Variants in ROBO2 observed in about 807,000 individuals in gnomAD.
ROBO2 encodes the protein roundabout homolog 2.
Under a neutral mutation model 160.8 loss-of-function variants are expected in ROBO2, and 53 were observed. The ratio of observed to expected loss-of-function variants is 0.33; its 90% CI spans 0.26 to 0.41. The LOEUF (loss-of-function observed/expected upper bound fraction) is 0.41. Among genes scored for constraint, ROBO2 ranks in the 10% least tolerant of loss-of-function variants. The pLI, the probability that ROBO2 is intolerant of heterozygous loss-of-function variation, is 1.00. For missense variants in ROBO2, 1,577 were observed against 1,722.4 expected (o/e 0.92, Z 1.49); for synonymous variants, 664 against 611.7 (o/e 1.09, Z -1.26).
At chr3:76,031,747 C>A (rs528572887) in intron 2 of ROBO2, among the ~76,000 whole-genome samples, 3 of 152,020 alleles carry the variant, frequency 2.0e-5, no homozygotes, top group Admixed American at 1.3e-4. Context: ...TTTTGATGTG[C>A]TGCTGTATTT....
chr3:77,235,639 T>C (rs1409763808), intron 2 of ROBO2, among the ~76,000 whole-genome samples: 1 of 152,244 alleles, frequency 6.6e-6, no homozygotes, highest in East Asian at 1.9e-4. Flanking sequence ...TCAGAATACT[T>C]ATTTAAAAAT....
chr3:77,236,028 A>G (rs113990691), intron 2 of ROBO2, among the ~76,000 whole-genome samples: 16,006 of 152,302 alleles, frequency 0.11, 1,004 homozygotes, highest in Middle Eastern at 0.14. Context: ...AATATGAGTG[A>G]CCAATGACCT....
At chr3:77,255,732 T>A (rs1210117233) in intron 2 of ROBO2, among the ~76,000 whole-genome samples, 1 of 152,240 alleles carries the variant, frequency 6.6e-6, no homozygotes, top group African/African-American at 2.4e-5. Context: ...TTTGTGTTCA[T>A]GGTGGAGGAA....
At chr3:76,921,542 G>T (rs977798401) in intron 2 of ROBO2, among the ~76,000 whole-genome samples, 2 of 152,136 alleles carry the variant, frequency 1.3e-5, no homozygotes, top group Non-Finnish European at 2.9e-5. Context: ...AACCTGGGAG[G>T]CAGAGGTTGT....
At chr3:76,691,128 C>A (rs1449436526) in intron 2 of ROBO2, among the ~76,000 whole-genome samples, 1 of 151,968 alleles carries the variant, frequency 6.6e-6, no homozygotes, top group African/African-American at 2.4e-5. Flanking sequence ...GAGGGGTCTG[C>A]CCTCATGAAT....
chr3:76,043,693 G>A (rs1441062994), intron 2 of ROBO2, among the ~76,000 whole-genome samples: 2 of 142,212 alleles, frequency 1.4e-5, no homozygotes, highest in African/African-American at 5.3e-5. Flanking sequence ...AAAAAACACT[G>A]CCACCTCTTT....
At chr3:77,213,258 C>G (rs1401203580) in intron 2 of ROBO2, among the ~76,000 whole-genome samples, 1 of 152,024 alleles carries the variant, frequency 6.6e-6, no homozygotes, top group African/African-American at 2.4e-5. Flanking sequence ...ATTTCAGAGC[C>G]TGTTATTGGT....
intron 2 of ROBO2, among the ~76,000 whole-genome samples, chr3:76,180,104 G>C (rs1272335224): frequency 6.6e-6 from 1 of 152,048 alleles, no homozygotes; most frequent in Non-Finnish European, 1.5e-5. Flanking sequence ...TCAAGATTCA[G>C]ATCAAAGGTA....
At position 77,343,318 on chromosome 3, in the gene ROBO2, T is replaced by C. The variant is rs569058694; in HGVS notation, c.389-134096T>C. On this transcript the variant is annotated intron_variant, in intron 2 of 25. Coordinates refer to ENST00000461745, the Ensembl canonical transcript of ROBO2. ...CTCTTCATGAAAATTTAAGAGCTCTTTGCCTATAGGCTTTGGCCACTTCTG... is the reference window on the plus strand; with the variant it reads ...CTCTTCATGAAAATTTAAGAGCTCTCTGCCTATAGGCTTTGGCCACTTCTG... Among the ~76,000 whole-genome samples the C allele has an allele frequency of 2.0e-4, 30 of 152,286 alleles. 1 individual carries two copies. The East Asian group carries it at 4.6e-3, about 24-fold the overall frequency.
chr3:76,463,793 AAC>A (rs1361839416), intron 2 of ROBO2, among the ~76,000 whole-genome samples: 2 of 152,156 alleles, frequency 1.3e-5, no homozygotes, highest in African/African-American at 4.8e-5. Context: ...TGGCATGAAA[AAC>A]ACAAAGTAGC....
At position 77,193,189 on chromosome 3, in the gene ROBO2, C is replaced by T. The variant is rs2082016957; in HGVS notation, c.388+94849C>T. On this transcript the variant is annotated intron_variant, in intron 2 of 25. Transcript: ENST00000461745. ...TGCAGGGAAGAAACCACGTCCCAGG[C>T]GAAGTCCTACCTAATTTGATGATAA... Among the ~76,000 whole-genome samples the T allele has an allele frequency of 4.0e-5, 6 of 151,412 alleles. No individual in the cohort carries two copies. In the South Asian group the frequency reaches 8.3e-4, roughly 21 times the overall value.
At chr3:75,946,786 C>T (rs1358188403) in intron 2 of ROBO2, among the ~76,000 whole-genome samples, 1 of 152,070 alleles carries the variant, frequency 6.6e-6, no homozygotes, top group Non-Finnish European at 1.5e-5. Flanking sequence ...AGAGGTATTA[C>T]ATGAGTGCTC....
chr3:76,285,107 G>A (rs182764247), intron 2 of ROBO2, among the ~76,000 whole-genome samples: 8 of 152,064 alleles, frequency 5.3e-5, no homozygotes, highest in African/African-American at 1.4e-4. Flanking sequence ...GCTGTGGGAC[G>A]AGAAGAACTT....
chr3:76,367,310 G>T (rs1240495204), intron 2 of ROBO2, among the ~76,000 whole-genome samples: 1 of 151,978 alleles, frequency 6.6e-6, no homozygotes, highest in Non-Finnish European at 1.5e-5. Context: ...CATGCCTGTA[G>T]TTATATACAC....
At chr3:77,028,456 C>T (rs1234451406) in intron 2 of ROBO2, among the ~76,000 whole-genome samples, 3 of 152,154 alleles carry the variant, frequency 2.0e-5, no homozygotes, top group Non-Finnish European at 4.4e-5. Flanking sequence ...TGGCTCATGC[C>T]TGTAGTCCCA....
intron 2 of ROBO2, among the ~76,000 whole-genome samples, chr3:76,521,167 G>A (rs2081595898): frequency 6.7e-6 from 1 of 148,794 alleles, no homozygotes; most frequent in Admixed American, 6.9e-5. Flanking sequence ...TCCCACCTCA[G>A]CCTACCAAGT....
intron 2 of ROBO2, among the ~76,000 whole-genome samples, chr3:77,396,970 T>TTAAATA (rs1273614696): frequency 6.6e-6 from 1 of 152,126 alleles, no homozygotes; most frequent in Non-Finnish European, 1.5e-5. Context: ...CACGTTTAGA[T>TTAAATA]TAAATATAAA....
chr3:77,240,242 A>G (rs994477694), intron 2 of ROBO2, among the ~76,000 whole-genome samples: 3 of 152,130 alleles, frequency 2.0e-5, no homozygotes, highest in African/African-American at 7.2e-5. Flanking sequence ...GCAGGGAGGC[A>G]GCTGAGACCC....
At position 77,040,780 on chromosome 3, in the gene ROBO2, G is replaced by A. The variant is rs948115446; in HGVS notation, c.-6G>A. On this transcript the variant is annotated 5_prime_UTR_variant, in exon 1 of 26. The change abolishes an upstream ATG in the 5' untranslated region. Transcript: ENST00000461745. The stretch of plus-strand genomic sequence containing the variant: ...AAAGAATCTGGATCCTTTTTAATAT[G>A]TCAAAATGAGTCTGCTGATGTTTAC... The A allele has an allele frequency of 5.0e-6, 8 of 1,613,652 alleles. No individual in the cohort carries two copies. Among genetic ancestry groups the A allele is most frequent in the Non-Finnish European group, 6.8e-6 (8 of 1,179,796 alleles).
Sources: gnomAD v4.1 joint callset for allele counts (sites outside exome capture counted in the v4.1 genomes callset) on GRCh38, gnomAD v4.1.1 for gene constraint, MANE v1.5 for transcripts, NCBI Gene and HGNC (gene_info 2026-07-23, HGNC 2026-07-21) for gene names.